The following MYO7A variants were observed in gnomAD, a reference collection of about 807,000 sequenced individuals.
The protein encoded by MYO7A is unconventional myosin-VIIa.
A neutral mutation model predicts 263.8 loss-of-function variants in MYO7A; 210 were observed. The ratio of observed to expected loss-of-function variants is 0.80; its 90% CI spans 0.71 to 0.89. The LOEUF (loss-of-function observed/expected upper bound fraction) is 0.89, where lower values mean the gene tolerates loss of function less well. Ranked by LOEUF, MYO7A falls within the 40% of genes least tolerant of loss-of-function variation. MYO7A has a pLI of 0.00. For synonymous variants in MYO7A, 1,239 were observed against 1,197.3 expected, an observed-to-expected ratio of 1.03 and a Z score of -0.72; for missense variants, 2,820 against 2,968.3, an observed-to-expected ratio of 0.95 and a Z score of 1.16.
At chr11:77,176,786 C>G (rs1954685515) in intron 18 of MYO7A, among the ~76,000 whole-genome samples, 1 of 152,304 alleles carries the variant, frequency 6.6e-6, no homozygotes, top group East Asian at 1.9e-4. Flanking sequence ...GAGACTCTAC[C>G]CTCCCCAAGG....
At chr11:77,129,597 T>A (rs1272529338) in intron 1 of MYO7A, among the ~76,000 whole-genome samples, 2 of 152,164 alleles carry the variant, frequency 1.3e-5, no homozygotes, top group African/African-American at 4.8e-5. Flanking sequence ...ATTGGCCACA[T>A]CCTGCCCTGG....
intron 19 of MYO7A, among the ~76,000 whole-genome samples, chr11:77,178,478 A>C (rs1163421264): frequency 3.5e-5 from 5 of 142,020 alleles, no homozygotes; most frequent in Admixed American, 7.1e-5. Flanking sequence ...CCAAGCATTG[A>C]CTTATTGGCT....
intron 26 of MYO7A, among the ~76,000 whole-genome samples, chr11:77,183,985 G>A (rs1555086653): frequency 1.3e-5 from 2 of 152,282 alleles, no homozygotes; most frequent in South Asian, 2.1e-4. Flanking sequence ...AATGGCAGCC[G>A]AGGGTGTTCA....
intron 27 of MYO7A, among the ~76,000 whole-genome samples, chr11:77,188,988 G>A (rs1394307410): frequency 6.6e-6 from 1 of 152,224 alleles, no homozygotes; most frequent in Non-Finnish European, 1.5e-5. Context: ...GCCACCAGCT[G>A]GTTAGGAACG....
At chr11:77,199,328 A>T (rs1285691220) in intron 34 of MYO7A, among the ~76,000 whole-genome samples, 1 of 152,156 alleles carries the variant, frequency 6.6e-6, no homozygotes, top group East Asian at 1.9e-4. Flanking sequence ...GACTTCCTGG[A>T]GGAAGTGGCA....
Position 77,179,944 on chromosome 11 carries a change from C to T in MYO7A, c.2577C>T (p.Leu859=). Residue 859 remains leucine (L), a synonymous_variant, in exon 21 of 49, where the codon CTC becomes CTT. Transcript: ENST00000409709. ...TCGCCCGCAGGCTGCACCAACGCCTCAGGGCTGAGGTGAGGGAGCAAGTCC... is the reference window on the plus strand; with the variant it reads ...TCGCCCGCAGGCTGCACCAACGCCTTAGGGCTGAGGTGAGGGAGCAAGTCC... ...GMIARRLHQR[L]RAEYLWRLEA... 6.6e-7 allele frequency: 1 copy of T among 1,526,536 alleles called. No individual in the cohort carries two copies. The highest frequency in any genetic ancestry group is 8.8e-7 in the Non-Finnish European group (1 of 1,138,192). 94.6% of individuals were successfully genotyped at this position (1,526,536 alleles called of 1,614,324 possible).
intron 29 of MYO7A, 119 bp from the exon 30 acceptor site, chr11:77,190,578 T>TGCTGGCCTGGAGC: frequency 1.9e-6 from 2 of 1,049,180 alleles, no homozygotes; most frequent in Non-Finnish European, 2.8e-6. Context: ...CCCAGTGAGG[T>TGCTGGCCTGGAGC]ACTGGGGCCT....
At chr11:77,204,970 A>G (rs1023550073) in intron 39 of MYO7A, among the ~76,000 whole-genome samples, 7 of 152,158 alleles carry the variant, frequency 4.6e-5, no homozygotes, top group African/African-American at 1.2e-4. Flanking sequence ...AAGCCCTCCA[A>G]ACTTCCCACT....
In MYO7A at chr11:77,190,837, C is replaced by A. The variant is rs375475374; in HGVS notation, c.3891C>A (p.Phe1297Leu). The A allele has an allele frequency of 2.5e-6, 4 of 1,586,118 alleles. No homozygotes were observed. Among genetic ancestry groups the A allele is most frequent in the African/African-American group, 1.3e-5 (1 of 74,242 alleles). The change falls in exon 30 of 49, where the codon TTC (phenylalanine) becomes TTA (leucine). Residue 1297 changes from phenylalanine to leucine, a missense_variant. By Grantham distance (22) the Phe-to-Leu change is conservative. Transcript: ENST00000409709. ...LADKISLKDR[F>L]GFSLYIALFD... is the part of the protein sequence containing the mutation. ...ACAAGATCTCTCTCAAGGACCGGTT[C>A]GGGTTCTCCCTCTACATTGCCCTGT...
intron 40 of MYO7A, 31 bp downstream of exon 40, chr11:77,205,648 A>G (rs1209121364): frequency 6.2e-7 from 1 of 1,611,360 alleles, no homozygotes; most frequent in South Asian, 1.1e-5. Flanking sequence ...AGGGACAGAC[A>G]CTGGGGCGGG....
At chr11:77,131,759 A>T (rs924307756) in intron 2 of MYO7A, among the ~76,000 whole-genome samples, 1 of 152,138 alleles carries the variant, frequency 6.6e-6, no homozygotes, top group Admixed American at 6.5e-5. Flanking sequence ...TGTTGGGAGC[A>T]AGTGTCTTGT....
intron 28 of MYO7A, 50 bp downstream of exon 28, chr11:77,189,520 C>A (rs1555090531): frequency 3.1e-6 from 5 of 1,609,290 alleles, no homozygotes; most frequent in Non-Finnish European, 3.4e-6. Context: ...TAGGCCCTGT[C>A]CCAGCACTGT....
rs190502842 is a variant in MYO7A, at chr11:77,191,922, G to A, written c.3925-129G>A. 8 of 737,804 alleles carry A rather than the reference G, an allele frequency of 1.1e-5. No individual in the cohort carries two copies. In the Admixed American group the frequency reaches 1.9e-4, roughly 17 times the overall value. The allele number at this position is 737,804 out of a possible 1,614,324, so 45.7% of individuals were successfully genotyped here. A position where few individuals can be genotyped will look rare whatever the true frequency, so the allele number is the denominator to read the frequency against. Reference sequence around the variant, plus strand: ...GGCTAGAATCTGGTCTGCCTCCTGGGGGCCTTGGACGTGTCCCTGCCCCTC... The same window carrying A: ...GGCTAGAATCTGGTCTGCCTCCTGGAGGCCTTGGACGTGTCCCTGCCCCTC... On this transcript the variant is annotated intron_variant, in intron 30 of 48. Transcript: ENST00000409709.
chr11:77,150,985 G>A (rs1030730825), intron 4 of MYO7A, among the ~76,000 whole-genome samples: 19 of 152,178 alleles, frequency 1.2e-4, no homozygotes, highest in Admixed American at 1.3e-4. Flanking sequence ...CGTGCGCTCA[G>A]GATTTCCTCC....
rs1957845658 is a variant in MYO7A, at chr11:77,211,244, G to C, written c.6144G>C (p.Glu2048Asp). The change falls in exon 45 of 49, where the codon GAG becomes GAC. Residue 2048 changes from glutamate (E) to aspartate (D), a missense_variant. Glu to Asp is a conservative substitution (Grantham distance 45). Coordinates refer to ENST00000409709, the MANE Select transcript of MYO7A (RefSeq NM_000260.4). ...TGATCTACAGGGTCAAGTTCGAGGA[G>C]GACAAGTCCTACTTCCCCAGCATCC... ...GALIYRVKFEEDKSYFPSIPK... is the reference protein window; with the variant it reads ...GALIYRVKFEDDKSYFPSIPK... The C allele has an allele frequency of 6.9e-6, 11 of 1,585,068 alleles. No homozygotes were observed. Among genetic ancestry groups the C allele is most frequent in the African/African-American group, 1.3e-5 (1 of 74,368 alleles).
chr11:77,175,062 G>A, intron 17 of MYO7A, 148 bp downstream of exon 17: 5 of 1,024,208 alleles, frequency 4.9e-6, no homozygotes, highest in Non-Finnish European at 7.0e-6. Context: ...TTCAGGTATT[G>A]GAATGCATCA....
At chr11:77,213,130 A>G (rs922735085) in intron 47 of MYO7A, 95 bp downstream of exon 47, 15 of 963,570 alleles carry the variant, frequency 1.6e-5, no homozygotes, top group African/African-American at 6.5e-5. Flanking sequence ...CCTAGCCACC[A>G]TCTATCTCTA....
intron 10 of MYO7A, among the ~76,000 whole-genome samples, chr11:77,159,954 G>A (rs377343459): frequency 7.9e-5 from 12 of 152,366 alleles, no homozygotes; most frequent in Non-Finnish European, 1.6e-4. Flanking sequence ...GGAGTTAAGC[G>A]GGGCTGTCAA....
intron 11 of MYO7A, 107 bp from the exon 12 acceptor site, chr11:77,160,866 C>G: frequency 7.4e-7 from 1 of 1,355,396 alleles, no homozygotes; most frequent in Non-Finnish European, 1.0e-6. Flanking sequence ...TCACACGGCA[C>G]TTTGTTCCAC....
Sources: gnomAD v4.1 joint callset for allele counts (sites outside exome capture counted in the v4.1 genomes callset) on GRCh38, gnomAD v4.1.1 for gene constraint, MANE v1.5 for transcripts, NCBI Gene and HGNC (gene_info 2026-07-23, HGNC 2026-07-21) for gene names.